IL7: variants seen among roughly 807,000 people sequenced by gnomAD.
IL7 encodes interleukin 7.
Under a neutral mutation model 21.6 loss-of-function variants are expected in IL7, and 3 were observed. That is an observed-to-expected ratio of 0.14 (90% CI 0.06 to 0.36). The LOEUF (loss-of-function observed/expected upper bound fraction) is 0.36. Among genes scored for constraint, IL7 ranks in the 10% least tolerant of loss-of-function variants. The pLI is 1.00. For missense variants in IL7, 175 were observed against 200.2 expected, an observed-to-expected ratio of 0.87 and a Z score of 0.76; for synonymous variants, 62 against 68.1, an observed-to-expected ratio of 0.91 and a Z score of 0.44.
intron 2 of IL7, chr8:78,760,419 C>T: frequency 6.3e-7 from 1 of 1,597,634 alleles, no homozygotes; most frequent in Middle Eastern, 2.3e-4. Context: ...AACTTGATGT[C>T]AGGCAGTTGG....
intron 2 of IL7, chr8:78,761,017 G>T: frequency 6.2e-7 from 1 of 1,611,952 alleles, no homozygotes. Flanking sequence ...CTGCACTGCA[G>T]AGTACAAATG....
intron 1 of IL7, among the ~76,000 whole-genome samples, chr8:78,799,527 C>T (rs1028862029): frequency 6.6e-6 from 1 of 152,020 alleles, no homozygotes; most frequent in African/African-American, 2.4e-5. Flanking sequence ...AATAACTCTG[C>T]CACTAAGTGC....
At chr8:78,720,178 A>AT (rs1811210737) in intron 5 of IL7, among the ~76,000 whole-genome samples, 1 of 151,756 alleles carries the variant, frequency 6.6e-6, no homozygotes, top group Non-Finnish European at 1.5e-5. Flanking sequence ...GACATGTTTG[A>AT]TTTTTTTCCT....
chr8:78,719,877 G>A (rs545598520), intron 5 of IL7: 1 of 151,808 alleles, frequency 6.6e-6, no homozygotes, highest in African/African-American at 2.4e-5. Flanking sequence ...CAAATAAAAA[G>A]TAGCTTTTCA....
chr8:78,690,074 ATTGCTGAGGCACCTTGG>A (rs1810157552), intron 3 of IL7, among the ~76,000 whole-genome samples: 1 of 152,196 alleles, frequency 6.6e-6, no homozygotes, highest in Admixed American at 6.5e-5. Context: ...TCCCTGATGA[ATTGCTGAGGCACCTTGG>A]TTGGAAATCA....
At chr8:78,744,241 A>C (rs1467785265) in intron 2 of IL7, among the ~76,000 whole-genome samples, 1 of 151,402 alleles carries the variant, frequency 6.6e-6, no homozygotes, top group Non-Finnish European at 1.5e-5. Flanking sequence ...CCTCTGTCCC[A>C]GGGAGTTTTC....
intron 5 of IL7, 30 bp downstream of exon 5, chr8:78,736,444 C>A (rs926971376): frequency 1.4e-5 from 20 of 1,446,354 alleles, no homozygotes; most frequent in Non-Finnish European, 1.6e-5. Context: ...ACCTGATGAA[C>A]CATAAGGAAA....
downstream of IL7, among the ~76,000 whole-genome samples, chr8:78,731,553 G>A (rs1054588076): frequency 1.1e-4 from 16 of 150,780 alleles, no homozygotes; most frequent in African/African-American, 3.7e-4. Flanking sequence ...TCTTTTTGTA[G>A]CATTGACAAG....
At chr8:78,687,461 A>ATT (rs1810025210) in intron 3 of IL7, among the ~76,000 whole-genome samples, 1 of 145,914 alleles carries the variant, frequency 6.9e-6, no homozygotes, top group Non-Finnish European at 1.5e-5. Flanking sequence ...TATATACATA[A>ATT]TTATATATAT....
chr8:78,791,487 A>T (rs1395753571), intron 2 of IL7, among the ~76,000 whole-genome samples: 1 of 152,044 alleles, frequency 6.6e-6, no homozygotes, highest in African/African-American at 2.4e-5. Context: ...TAAAAATACA[A>T]AAATTAGCTG....
At chr8:78,802,739 T>G (rs1036320308) in intron 1 of IL7, among the ~76,000 whole-genome samples, 1 of 152,050 alleles carries the variant, frequency 6.6e-6, no homozygotes, top group Non-Finnish European at 1.5e-5. Flanking sequence ...AGTCAGAAAA[T>G]TCCTGTACAT....
intron 1 of IL7, among the ~76,000 whole-genome samples, chr8:78,803,130 C>T (rs1814144190): frequency 6.6e-6 from 1 of 152,098 alleles, no homozygotes; most frequent in South Asian, 2.1e-4. Context: ...GTTTGTAATT[C>T]TCCTTTATGC....
intron 2 of IL7, among the ~76,000 whole-genome samples, chr8:78,763,059 T>C (rs569863169): frequency 6.6e-5 from 10 of 152,348 alleles, no homozygotes; most frequent in African/African-American, 1.2e-4. Flanking sequence ...GAGTTCTTCA[T>C]TGGCTTAGGC....
chr8:78,734,157 C>A (rs1057214077), intron 5 of IL7, among the ~76,000 whole-genome samples: 17 of 152,220 alleles, frequency 1.1e-4, no homozygotes, highest in Admixed American at 3.9e-4. Flanking sequence ...AGTTGAGTTT[C>A]TTTAATGTAG....
intron 2 of IL7, among the ~76,000 whole-genome samples, chr8:78,740,531 A>G (rs1468799758): frequency 6.6e-6 from 1 of 152,216 alleles, no homozygotes; most frequent in African/African-American, 2.4e-5. Flanking sequence ...TCAACACATA[A>G]GAGAAAGAAT....
intron 3 of IL7, among the ~76,000 whole-genome samples, chr8:78,704,132 A>G (rs1281170934): frequency 1.3e-5 from 2 of 152,146 alleles, no homozygotes; most frequent in African/African-American, 4.8e-5. Context: ...CTGTAATCCC[A>G]GCACTTTGGG....
rs980519558 is a variant in IL7, at chr8:78,803,028, A to G, written c.10+1885T>C. Among the ~76,000 whole-genome samples the G allele has an allele frequency of 2.0e-5, 3 of 152,216 alleles. No homozygotes were observed. In the South Asian group the frequency reaches 6.2e-4, roughly 32 times the overall value. On this transcript the variant is annotated intron_variant, in intron 1 of 5. Transcript: ENST00000263851. ...AGGGTTAAAAGCAGAAAAAAAAGTC[A>G]CATAGATGAGTGTGAATATGACACG...
At chr8:78,744,766 C>T (rs982139044) in intron 2 of IL7, among the ~76,000 whole-genome samples, 1 of 152,194 alleles carries the variant, frequency 6.6e-6, no homozygotes, top group Non-Finnish European at 1.5e-5. Context: ...TCTGCCAAGA[C>T]TCCCGTATCT....
chr8:78,694,369 C>A (rs10109359), intron 3 of IL7, among the ~76,000 whole-genome samples: 118,044 of 151,326 alleles, frequency 0.78, 46,406 homozygotes, highest in East Asian at 0.91. Context: ...ACAAGTAAAA[C>A]GGTATTCATG....
Sources: gnomAD v4.1 joint callset for allele counts (sites outside exome capture counted in the v4.1 genomes callset) on GRCh38, gnomAD v4.1.1 for gene constraint, MANE v1.5 for transcripts, NCBI Gene and HGNC (gene_info 2026-07-23, HGNC 2026-07-21) for gene names.